The following RIPOR3 variants were observed in gnomAD, a reference collection of about 807,000 sequenced individuals.
The protein encoded by RIPOR3 is RIPOR family member 3.
RIPOR3 carries 95 observed loss-of-function variants against 114.3 expected under a neutral mutation model. The observed-to-expected ratio is 0.83, with a 90% CI of 0.70 to 0.99. The LOEUF is 0.99. RIPOR3 is among the 50% of genes least tolerant of loss of function. The pLI, the probability that RIPOR3 is intolerant of heterozygous loss-of-function variation, is 0.00. For synonymous variants in RIPOR3, 575 were observed against 543.8 expected (o/e 1.06, Z -0.80); for missense variants, 1,252 against 1,266.9 (o/e 0.99, Z 0.18).
rs1465642198 is a variant in RIPOR3, at chr20:50,672,411, C to T, written c.3+18715G>A. 2.0e-5 allele frequency among the ~76,000 whole-genome samples: 3 copies of T among 152,312 alleles called. No individual in the cohort carries two copies. In the East Asian group the frequency reaches 5.8e-4, roughly 29 times the overall value. On this transcript the variant is annotated intron_variant, in intron 1 of 21. Coordinates refer to ENST00000327979, the MANE Select transcript of RIPOR3 (RefSeq NM_001290268.2). Reference sequence around the variant, plus strand: ...AGGCAGCCCAGCACCCTCTGCCCTCCACCCAGCAACCCCCAGGCTAGATTC... The same window carrying T: ...AGGCAGCCCAGCACCCTCTGCCCTCTACCCAGCAACCCCCAGGCTAGATTC...
Position 50,647,043 on chromosome 20 carries a change from C to T in RIPOR3, c.4-16187G>A, listed in dbSNP as rs143185051. The stretch of plus-strand genomic sequence containing the variant: ...GCTCATGTGAAAAAGAAAAGGGGGC[C>T]GGGCGTGGTGGCTCACACCTGTAAT... On this transcript the variant is annotated intron_variant, in intron 1 of 21. Transcript: ENST00000327979. Among the ~76,000 whole-genome samples the T allele has an allele frequency of 1.9e-3, 296 of 152,256 alleles. 1 individual carries two copies. Among genetic ancestry groups the T allele is most frequent in the South Asian group, 9.7e-3 (47 of 4,828 alleles).
intron 1 of RIPOR3, among the ~76,000 whole-genome samples, chr20:50,665,571 C>T (rs1330627166): frequency 6.6e-6 from 1 of 151,900 alleles, no homozygotes; most frequent in Non-Finnish European, 1.5e-5. Flanking sequence ...CAGGCACGCA[C>T]CACGACACTG....
intron 1 of RIPOR3, among the ~76,000 whole-genome samples, chr20:50,686,410 G>T (rs2087026565): frequency 6.6e-6 from 1 of 151,988 alleles, no homozygotes; most frequent in South Asian, 2.1e-4. Flanking sequence ...AGCTACTGAG[G>T]TTTAAACTCA....
Position 50,619,858 on chromosome 20 carries a change from C to T in RIPOR3, c.269+128G>A, listed in dbSNP as rs528087593. 1.0e-4 allele frequency: 130 copies of T among 1,279,694 alleles called. 2 individuals are homozygous for T. In the South Asian group the frequency reaches 1.7e-3, roughly 17 times the overall value. 79.3% of individuals were successfully genotyped at this position (1,279,694 alleles called of 1,614,324 possible). A position where few individuals can be genotyped will look rare whatever the true frequency, so the allele number is the denominator to read the frequency against. On this transcript the variant is annotated intron_variant, in intron 3 of 21. Coordinates refer to ENST00000327979, the MANE Select transcript of RIPOR3 (RefSeq NM_001290268.2). ...CACCCTGACATACTTGCTTACTAAACGAATGACCAGGAACTTAACCTGTCA... is the reference window on the plus strand; with the variant it reads ...CACCCTGACATACTTGCTTACTAAATGAATGACCAGGAACTTAACCTGTCA...
At chr20:50,671,396 TCACATGAGCACGCGCGCGTG>T (rs1354869771) in intron 1 of RIPOR3, among the ~76,000 whole-genome samples, 1 of 149,684 alleles carries the variant, frequency 6.7e-6, no homozygotes, top group African/African-American at 2.5e-5. Context: ...TCCCTCTCTC[TCACATGAGCACGCGCGCGTG>T]CACGCGCGCG....
Position 50,602,286 on chromosome 20 carries a change from C to T in RIPOR3, c.1445G>A (p.Ser482Asn), listed in dbSNP as rs777272607. The T allele has an allele frequency of 1.2e-6, 2 of 1,613,748 alleles. No individual in the cohort carries two copies. Among genetic ancestry groups the T allele is most frequent in the Non-Finnish European group, 1.7e-6 (2 of 1,179,946 alleles). Reference sequence around the variant, plus strand: ...GTGGAACAGGGAGCCCTGTGGCAGGCTGGGGCTCTCCCCTCCTAAGTTCCT... The same window carrying T: ...GTGGAACAGGGAGCCCTGTGGCAGGTTGGGGCTCTCCCCTCCTAAGTTCCT... ...GWRNLGGESP[S>N]LPQGSLFHSG... Residue 482 changes from serine to asparagine, a missense_variant, in exon 13 of 22, where the codon AGC becomes AAC. Physicochemically the swap from Ser to Asn is conservative, Grantham distance 46 (BLOSUM62 1). Transcript: ENST00000327979. This position sits in a 1 kb window ranked among gnomAD's most constrained non-coding sequence, Gnocchi z 4.3.
At chr20:50,671,655 G>A (rs2086501015) in intron 1 of RIPOR3, among the ~76,000 whole-genome samples, 1 of 152,218 alleles carries the variant, frequency 6.6e-6, no homozygotes, top group Non-Finnish European at 1.5e-5. Flanking sequence ...CTGAAAATGG[G>A]CATAATAGCA....
Position 50,608,697 on chromosome 20 carries a change from A to G in RIPOR3, c.726T>C (p.Gly242=). 1 of 1,613,696 alleles carries G rather than the reference A, an allele frequency of 6.2e-7. No individual in the cohort carries two copies. Among genetic ancestry groups the G allele is most frequent in the African/African-American group, 1.3e-5 (1 of 74,902 alleles). The change falls in exon 10 of 22, where the codon GGT becomes GGC. Residue 242 remains glycine (G), a synonymous_variant. Transcript: ENST00000327979. ...RLGRQRWKLK[G]RIESDDSQTW... ...TCTGGCTGTCATCTGACTCGATCCG[A>G]CCCTTGAGCTTCCAACGCTGGCGGC... is the stretch of plus-strand genomic sequence containing the variant.
chr20:50,676,725 A>G (rs1054259820), intron 1 of RIPOR3, among the ~76,000 whole-genome samples: 1 of 151,712 alleles, frequency 6.6e-6, no homozygotes, highest in Non-Finnish European at 1.5e-5. Flanking sequence ...GGGCTCCACA[A>G]CATCAGAAAT....
intron 2 of RIPOR3, 108 bp from the exon 3 acceptor site, chr20:50,620,240 G>C: frequency 7.2e-7 from 1 of 1,397,746 alleles, no homozygotes; most frequent in Non-Finnish European, 9.7e-7. Context: ...GGAGTCAGGA[G>C]ACCCGGCTCA....
rs976947246 is a variant in RIPOR3 at position 50,630,557 on chromosome 20, CTCTCTCAATCTCAA to C, written c.122+167_122+180del. On this transcript the variant is annotated intron_variant, in intron 2 of 21. Coordinates refer to ENST00000327979, the MANE Select transcript of RIPOR3 (RefSeq NM_001290268.2). ...ACTAAGAAACTCTGTCTCTCTGTCTCTCTCTCAATCTCAATCTCTCTCTCTCTCTCTCTCTCTCT... is the reference window on the plus strand; with the variant it reads ...ACTAAGAAACTCTGTCTCTCTGTCTCTCTCTCTCTCTCTCTCTCTCTCTCT... Among the ~76,000 whole-genome samples the C allele has an allele frequency of 3.1e-4, 47 of 151,342 alleles. 1 individual carries two copies. Among genetic ancestry groups the C allele is most frequent in the Middle Eastern group, 6.8e-3 (2 of 294 alleles).
At chr20:50,674,687 T>C (rs1167869672) in intron 1 of RIPOR3, among the ~76,000 whole-genome samples, 1 of 150,806 alleles carries the variant, frequency 6.6e-6, no homozygotes, top group African/African-American at 2.4e-5. Flanking sequence ...TGGTTCACAC[T>C]TGTAATCCCA....
Position 50,684,459 on chromosome 20 carries a change from G to A in RIPOR3, c.3+6667C>T, listed in dbSNP as rs148397040. Among the ~76,000 whole-genome samples the A allele has an allele frequency of 2.5e-4, 38 of 152,366 alleles. No homozygotes were observed. In the South Asian group the frequency reaches 2.7e-3, roughly 11 times the overall value. On this transcript the variant is annotated intron_variant, in intron 1 of 21. Transcript: ENST00000327979. The stretch of plus-strand genomic sequence containing the variant: ...GGAGAGATAAGGTTAGAGAGGCCTG[G>A]GCCCTGCAGGCCTTGTGGGCCGTGA...
intron 1 of RIPOR3, among the ~76,000 whole-genome samples, chr20:50,638,731 T>C (rs2085085163): frequency 6.6e-6 from 1 of 152,024 alleles, no homozygotes; most frequent in Non-Finnish European, 1.5e-5. Context: ...CGGGGGAAGC[T>C]GGGCCTCCAA....
At chr20:50,637,884 T>A (rs575407002) in intron 1 of RIPOR3, among the ~76,000 whole-genome samples, 39 of 151,752 alleles carry the variant, frequency 2.6e-4, no homozygotes, top group South Asian at 2.5e-3. Context: ...CAAAAAAAAA[T>A]TTTTTTAAAT....
chr20:50,603,267 C>T (rs1367083095), intron 12 of RIPOR3, among the ~76,000 whole-genome samples: 1 of 152,184 alleles, frequency 6.6e-6, no homozygotes, highest in East Asian at 1.9e-4. Context: ...TTGAAATAGT[C>T]TCGCTCTGTT....
chr20:50,591,923 T>C (rs1192410914), intron 19 of RIPOR3, among the ~76,000 whole-genome samples: 2 of 152,134 alleles, frequency 1.3e-5, no homozygotes, highest in African/African-American at 4.8e-5. Context: ...GGTGAAACCC[T>C]GTATCTACTA....
chr20:50,647,985 C>T (rs1298328821), intron 1 of RIPOR3, among the ~76,000 whole-genome samples: 2 of 151,838 alleles, frequency 1.3e-5, no homozygotes, highest in Non-Finnish European at 2.9e-5. Flanking sequence ...GGTTAAAATC[C>T]AGGGTAGTGG....
intron 1 of RIPOR3, among the ~76,000 whole-genome samples, chr20:50,670,012 C>A (rs972289974): frequency 4.0e-5 from 3 of 75,366 alleles, no homozygotes; most frequent in Non-Finnish European, 9.6e-5. Flanking sequence ...CAAAAATTAG[C>A]CGGGCGTGGT....
Sources: gnomAD v4.1 joint callset for allele counts (sites outside exome capture counted in the v4.1 genomes callset) on GRCh38, gnomAD v4.1.1 for gene constraint, Gnocchi (gnomAD v3.1) non-coding constraint, MANE v1.5 for transcripts, NCBI Gene and HGNC (gene_info 2026-07-23, HGNC 2026-07-21) for gene names.